The following ABCC9 variants were observed in gnomAD, a reference collection of about 807,000 sequenced individuals.
The protein encoded by ABCC9 is ATP-binding cassette sub-family C member 9.
In ABCC9, 95 loss-of-function variants were observed where a neutral mutation model predicts 188.3. The ratio of observed to expected loss-of-function variants is 0.50; its 90% CI spans 0.43 to 0.60. The LOEUF (loss-of-function observed/expected upper bound fraction) is 0.60. Among genes scored for constraint, ABCC9 ranks in the 20% least tolerant of loss-of-function variants. ABCC9 has a pLI of 0.00. For synonymous variants in ABCC9, 659 were observed against 652.7 expected (o/e 1.01, Z -0.15); for missense variants, 1,102 against 1,876.3 (o/e 0.59, Z 7.62).
At chr12:21,820,220 C>G (rs1393296770) in intron 31 of ABCC9, among the ~76,000 whole-genome samples, 1 of 151,882 alleles carries the variant, frequency 6.6e-6, no homozygotes, top group Non-Finnish European at 1.5e-5. Context: ...ACCAGAAAAT[C>G]CTTCCAGCAA....
At chr12:21,891,046 C>T (rs1198141653) in intron 14 of ABCC9, among the ~76,000 whole-genome samples, 1 of 152,048 alleles carries the variant, frequency 6.6e-6, no homozygotes, top group African/African-American at 2.4e-5. Flanking sequence ...CAAGGATGGC[C>T]ATTATGGGCC....
At chr12:21,910,723 T>C (rs1948284895) in intron 9 of ABCC9, 103 bp downstream of exon 9, 1 of 1,046,438 alleles carries the variant, frequency 9.6e-7, no homozygotes, top group Non-Finnish European at 1.4e-6. Flanking sequence ...AATACCAAAA[T>C]GAAAATGGAA....
Position 21,815,897 on chromosome 12 carries a change from G to A in ABCC9, c.3893-4C>T. On this transcript the variant is annotated splice_region_variant and splice_polypyrimidine_tract_variant and intron_variant, in intron 33 of 39. Coordinates refer to ENST00000261200, the MANE Select transcript of ABCC9 (RefSeq NM_020297.4). ...TGTTCTGGAACTTGAGAAGGATCTG[G>A]AGGATGGGATGGGGAAATAGACAGA... 1 of 1,612,652 alleles carries A rather than the reference G, an allele frequency of 6.2e-7. No homozygotes were observed. Among genetic ancestry groups the A allele is most frequent in the East Asian group, 2.2e-5 (1 of 44,766 alleles).
At chr12:21,850,840 T>C (rs1944927100) in intron 24 of ABCC9, among the ~76,000 whole-genome samples, 1 of 152,190 alleles carries the variant, frequency 6.6e-6, no homozygotes, top group South Asian at 2.1e-4. Context: ...CAGGCACTTG[T>C]CAACTGTACC....
Position 21,908,226 on chromosome 12 carries a change from A to G in ABCC9, c.1321-15T>C. 1 of 1,611,898 alleles carries G rather than the reference A, an allele frequency of 6.2e-7. No homozygotes were observed. ...CCCATTATGATCTAGAGAGAAAAAC[A>G]CATGGAAAAGAGAAGATGAATGGGT... On this transcript the variant is annotated splice_polypyrimidine_tract_variant and intron_variant, in intron 10 of 39. Coordinates refer to ENST00000261200, the MANE Select transcript of ABCC9 (RefSeq NM_020297.4).
intron 30 of ABCC9, among the ~76,000 whole-genome samples, chr12:21,830,514 A>G (rs999829334): frequency 6.6e-6 from 1 of 152,162 alleles, no homozygotes; most frequent in East Asian, 1.9e-4. Flanking sequence ...CACCTCCCCA[A>G]TTTTTAAGTA....
intron 15 of ABCC9, 124 bp from the exon 16 acceptor site, chr12:21,882,997 T>C: frequency 1.3e-6 from 1 of 742,770 alleles, no homozygotes; most frequent in Non-Finnish European, 2.3e-6. Flanking sequence ...ATTTTAATTA[T>C]TTCAGTGACT....
rs1942703358 is a variant in ABCC9, at chr12:21,817,186, C to T, written c.3892+1G>A. ...GAGACAAACAATATTTAGAGCAATACCCATTGTGCCTTCATAGTTCTCTGA... is the reference window on the plus strand; with the variant it reads ...GAGACAAACAATATTTAGAGCAATATCCATTGTGCCTTCATAGTTCTCTGA... On this transcript the variant is annotated splice_donor_variant, in intron 33 of 39. Coordinates refer to ENST00000261200, the MANE Select transcript of ABCC9 (RefSeq NM_020297.4). LOFTEE classifies it high-confidence loss of function. 1.2e-6 allele frequency: 2 copies of T among 1,612,990 alleles called. No homozygotes were observed. Among genetic ancestry groups the T allele is most frequent in the East Asian group, 2.2e-5 (1 of 44,860 alleles).
intron 2 of ABCC9, 32 bp from the exon 3 acceptor site, chr12:21,936,726 C>A: frequency 6.7e-7 from 1 of 1,492,090 alleles, no homozygotes. Flanking sequence ...AAGAAAAATC[C>A]TCTTATTAGT....
At chr12:21,930,118 T>TG in intron 4 of ABCC9, among the ~76,000 whole-genome samples, 1 of 152,172 alleles carries the variant, frequency 6.6e-6, no homozygotes, top group South Asian at 2.1e-4. Context: ...CTGAGAATGA[T>TG]GTTTCCAGCT....
chr12:21,844,362 G>T, intron 28 of ABCC9, 121 bp downstream of exon 28: 6 of 804,860 alleles, frequency 7.5e-6, no homozygotes, highest in Non-Finnish European at 1.3e-5. Context: ...AATACAAATG[G>T]GCCTTTATTT....
intron 21 of ABCC9, 66 bp from the exon 22 acceptor site, chr12:21,859,732 C>A (rs1253356425): frequency 9.9e-6 from 13 of 1,308,942 alleles, no homozygotes; most frequent in Non-Finnish European, 1.4e-5. Flanking sequence ...GGTAATATGA[C>A]CTTAAATTAC....
intron 17 of ABCC9, 122 bp from the exon 18 acceptor site, chr12:21,872,852 T>C (rs1180480635): frequency 3.8e-6 from 3 of 781,982 alleles, no homozygotes; most frequent in Non-Finnish European, 4.6e-6. Context: ...TCTCCAGCAG[T>C]AAGGTATTCT....
intron 30 of ABCC9, chr12:21,831,285 C>G (rs1943746967): frequency 6.6e-6 from 1 of 152,112 alleles, no homozygotes; most frequent in African/African-American, 2.4e-5. Flanking sequence ...CTCCTGACCT[C>G]AGGTGATCCA....
intron 31 of ABCC9, among the ~76,000 whole-genome samples, chr12:21,826,519 A>G (rs1943389542): frequency 6.6e-6 from 1 of 152,150 alleles, no homozygotes; most frequent in Non-Finnish European, 1.5e-5. Context: ...TACCTTATTT[A>G]ACACTCCTAC....
intron 10 of ABCC9, 39 bp from the exon 11 acceptor site, chr12:21,908,250 G>T: frequency 6.2e-7 from 1 of 1,607,018 alleles, no homozygotes; most frequent in Admixed American, 1.7e-5. Context: ...AGATGAATGG[G>T]TTGTGGGAGC....
intron 17 of ABCC9, among the ~76,000 whole-genome samples, chr12:21,874,338 T>A (rs895960613): frequency 6.6e-6 from 1 of 151,874 alleles, no homozygotes; most frequent in African/African-American, 2.4e-5. Context: ...ATGGCTGTAA[T>A]AAAAAAACAT....
At chr12:21,864,098 C>T (rs1945663268) in intron 19 of ABCC9, among the ~76,000 whole-genome samples, 1 of 151,850 alleles carries the variant, frequency 6.6e-6, no homozygotes, top group African/African-American at 2.4e-5. Context: ...ACAGATGGAT[C>T]CCATCACTGT....
intron 15 of ABCC9, among the ~76,000 whole-genome samples, chr12:21,885,888 A>G (rs1319299437): frequency 6.6e-6 from 1 of 152,186 alleles, no homozygotes; most frequent in East Asian, 1.9e-4. Context: ...TGATTTAAAA[A>G]TATATAATAT....
Sources: allele counts gnomAD v4.1 joint callset (sites outside exome capture counted in the v4.1 genomes callset), GRCh38; gene constraint gnomAD v4.1.1; transcripts MANE v1.5; gene names NCBI Gene and HGNC (gene_info 2026-07-23, HGNC 2026-07-21).